The following LYST variants were observed in gnomAD, a reference collection of about 807,000 sequenced individuals.
The protein encoded by LYST is lysosomal trafficking regulator.
In LYST, 192 loss-of-function variants were observed where a neutral mutation model predicts 413.6. The observed-to-expected ratio is 0.46, with a 90% CI of 0.41 to 0.52. The LOEUF (loss-of-function observed/expected upper bound fraction) is 0.52, where lower values mean the gene tolerates loss of function less well. Ranked by LOEUF, LYST falls within the 20% of genes least tolerant of loss-of-function variation. The pLI is 0.00. For synonymous variants in LYST, 1,525 were observed against 1,567.3 expected, an observed-to-expected ratio of 0.97 and a Z score of 0.64; for missense variants, 3,815 against 4,499.9, an observed-to-expected ratio of 0.85 and a Z score of 4.35.
rs1176752304 is a variant in LYST, at chr1:235,788,834, G to C, written c.4555C>G (p.Pro1519Ala). Residue 1519 changes from proline (P) to alanine (A), a missense_variant, in exon 13 of 53, where the codon CCA becomes GCA. Physicochemically the swap from Pro to Ala is conservative, Grantham distance 27 (BLOSUM62 -1). Transcript: ENST00000389793. ...GGATTTATGTACTCTGCACCTTCTGGTCTGTCGCTCTCTATAAGAAAAAGA... is the reference window on the plus strand; with the variant it reads ...GGATTTATGTACTCTGCACCTTCTGCTCTGTCGCTCTCTATAAGAAAAAGA... ...SSFDGTESDR[P>A]EGAEYINPGE... 1.9e-6 allele frequency: 3 copies of C among 1,613,404 alleles called. No homozygotes were observed.
intron 46 of LYST, 30 bp from the exon 47 acceptor site, chr1:235,693,516 G>A (rs1660840539): frequency 6.2e-7 from 1 of 1,613,342 alleles, no homozygotes; most frequent in South Asian, 1.1e-5. Context: ...AAAAGTATCA[G>A]ATTGTCACTG....
At position 235,760,322 on chromosome 1, in the gene LYST, AGG is replaced by A. The variant is rs1442063008; in HGVS notation, c.6254-725_6254-724del. ...CCTAGCATAGAGCTCAACATATAACAGGTGCTCAAAAAATGGTAGTACTTGTT... is the reference window on the plus strand; with the variant it reads ...CCTAGCATAGAGCTCAACATATAACATGCTCAAAAAATGGTAGTACTTGTT... On this transcript the variant is annotated intron_variant, in intron 22 of 52. Coordinates refer to ENST00000389793, the MANE Select transcript of LYST (RefSeq NM_000081.4). Among the ~76,000 whole-genome samples the A allele has an allele frequency of 2.2e-3, 341 of 152,320 alleles. 1 individual carries two copies. Among genetic ancestry groups the A allele is most frequent in the African/African-American group, 7.7e-3 (319 of 41,584 alleles).
At chr1:235,872,113 T>C (rs1198117732) in intron 1 of LYST, among the ~76,000 whole-genome samples, 1 of 152,020 alleles carries the variant, frequency 6.6e-6, no homozygotes, top group Non-Finnish European at 1.5e-5. Flanking sequence ...CTGGCCAATG[T>C]GGCGAAACCC....
chr1:235,815,850 G>A (rs1275925744), intron 3 of LYST, among the ~76,000 whole-genome samples: 1 of 151,966 alleles, frequency 6.6e-6, no homozygotes, highest in Non-Finnish European at 1.5e-5. Context: ...TGTTAAAATG[G>A]GGCCGGGCGC....
chr1:235,673,031 C>T (rs982877291), intron 50 of LYST, among the ~76,000 whole-genome samples: 2 of 152,112 alleles, frequency 1.3e-5, no homozygotes, highest in African/African-American at 2.4e-5. Flanking sequence ...AGGGAAAGCT[C>T]GAGCCCATCT....
intron 46 of LYST, among the ~76,000 whole-genome samples, chr1:235,695,629 A>ATTTTTTTTTTTTTTTTTTT (rs148101450): frequency 6.0e-5 from 7 of 116,418 alleles, no homozygotes; most frequent in African/African-American, 2.4e-4. Flanking sequence ...CAGTACTCTA[A>ATTTTTTTTTTTTTTTTTTT]TTTTTTTTTT....
At chr1:235,779,818 A>C (rs1174814040) in intron 16 of LYST, among the ~76,000 whole-genome samples, 2 of 152,180 alleles carry the variant, frequency 1.3e-5, no homozygotes, top group Non-Finnish European at 2.9e-5. Context: ...AACAAAATAC[A>C]TTCCAAAACA....
At position 235,808,878 on chromosome 1, in the gene LYST, A is replaced by G; in HGVS notation, c.1940T>C (p.Leu647Pro). ...CTGCAGTGTCTCTTCTAATTGGGCT[A>G]GTTGGTCAGAGTCAACAGTACAAAT... ...CNICTVDSDQ[L>P]AQLEETLQGN... The change falls in exon 5 of 53, where the codon CTA (leucine) becomes CCA (proline). Residue 647 changes from leucine (L) to proline (P), a missense_variant. By Grantham distance (98) the Leu-to-Pro change is moderately conservative. Coordinates refer to ENST00000389793, the MANE Select transcript of LYST (RefSeq NM_000081.4). The G allele has an allele frequency of 6.2e-7, 1 of 1,613,958 alleles. No homozygotes were observed. The highest frequency in any genetic ancestry group is 8.5e-7 in the Non-Finnish European group (1 of 1,179,896).
chr1:235,716,732 G>T lies in LYST; in HGVS notation c.9607C>A (p.Arg3203Ser). The T allele has an allele frequency of 1.3e-6, 2 of 1,595,888 alleles. No individual in the cohort carries two copies. The highest frequency in any genetic ancestry group is 1.1e-5 in the South Asian group (1 of 90,274). Residue 3203 changes from arginine to serine, a missense_variant, in exon 41 of 53, where the codon CGT (arginine) becomes AGT (serine). Arg to Ser is a moderately radical substitution (Grantham distance 110). This residue lies in a region of LYST where 866 missense variants were observed against 1,156.0 expected (regional missense o/e 0.75). Transcript: ENST00000389793. ...GCTACCTTGTATGTGTCCACATAAC[G>T]ATCTTCTTTTTCTTTATACTGAACA... The part of the protein sequence containing the change: ...IAVQYKEKED[R>S]YVDTYKYLEE...
chr1:235,867,711 T>A (rs889788630), upstream of LYST, among the ~76,000 whole-genome samples: 2 of 152,136 alleles, frequency 1.3e-5, no homozygotes, highest in Admixed American at 6.5e-5. Context: ...GGTAGGCAGT[T>A]TGGCATTTCA....
At chr1:235,737,903 G>C in intron 31 of LYST, 1 of 1,146,834 alleles carries the variant, frequency 8.7e-7, no homozygotes, top group Non-Finnish European at 1.1e-6. Context: ...AGGTGCTGGA[G>C]CCGCTGCCGA....
chr1:235,686,895 T>C lies in LYST; in HGVS notation c.10800+54A>G, dbSNP rs556042098. 17 of 1,272,748 alleles carry C rather than the reference T, an allele frequency of 1.3e-5. No individual in the cohort carries two copies. The highest frequency in any genetic ancestry group is 9.2e-5 in the East Asian group (4 of 43,272). The allele number at this position is 1,272,748 out of a possible 1,614,324, so 78.8% of individuals were successfully genotyped here. On this transcript the variant is annotated intron_variant, in intron 48 of 52. Coordinates refer to ENST00000389793, the MANE Select transcript of LYST (RefSeq NM_000081.4). The surrounding 1 kb of genome is among the most constrained non-coding windows in gnomAD (Gnocchi z 4.0). The stretch of plus-strand genomic sequence containing the variant: ...AGTGAATTATACTTCATAAAGGCTT[T>C]CTTCCCCTCATTGACAAAGTCCCAT...
At chr1:235,715,159 G>C in intron 42 of LYST, 42 bp downstream of exon 42, 1 of 1,483,544 alleles carries the variant, frequency 6.7e-7, no homozygotes, top group Non-Finnish European at 9.4e-7. Context: ...TGTTGTTTCT[G>C]ATGACCCAAC....
At chr1:235,772,124 C>T (rs933389359) in intron 19 of LYST, among the ~76,000 whole-genome samples, 3 of 151,846 alleles carry the variant, frequency 2.0e-5, no homozygotes, top group Non-Finnish European at 4.4e-5. Context: ...ACTTGGGAGG[C>T]TGAGGTAGGA....
intron 3 of LYST, among the ~76,000 whole-genome samples, chr1:235,815,778 A>G (rs906009705): frequency 3.9e-5 from 6 of 152,234 alleles, no homozygotes; most frequent in Admixed American, 6.5e-5. Context: ...GCTGAAAGAA[A>G]TCAGAGATGA....
rs1477144361 is a variant in LYST, at chr1:235,810,407, T to A, written c.411A>T (p.Val137=). The stretch of plus-strand genomic sequence containing the variant: ...GTCGTCTGCTTTTTCGAAAAACATT[T>A]ACTTTTGCAGAAACCTGACTAGACA... ...SALSSQVSAK[V]NVFRKSRRQR... Residue 137 remains valine (V), a synonymous_variant, in exon 5 of 53, where the codon GTA becomes GTT. Coordinates refer to ENST00000389793, the MANE Select transcript of LYST (RefSeq NM_000081.4). 5 of 1,612,256 alleles carry A rather than the reference T, an allele frequency of 3.1e-6. No individual in the cohort carries two copies. In the African/African-American group the frequency reaches 6.7e-5, roughly 22 times the overall value.
intron 39 of LYST, among the ~76,000 whole-genome samples, chr1:235,722,363 G>A (rs991528201): frequency 6.6e-6 from 1 of 152,210 alleles, no homozygotes; most frequent in Non-Finnish European, 1.5e-5. Context: ...TAATCTGAAG[G>A]GGGGCTAAGG....
At chr1:235,690,234 A>G (rs1221151737) in intron 47 of LYST, among the ~76,000 whole-genome samples, 4 of 152,232 alleles carry the variant, frequency 2.6e-5, no homozygotes, top group Non-Finnish European at 4.4e-5. Context: ...AATTTGTGTC[A>G]GTGTATTTTG....
At position 235,797,562 on chromosome 1, in the gene LYST, T is replaced by C. The variant is rs377386258; in HGVS notation, c.4006+2758A>G. Among the ~76,000 whole-genome samples the C allele has an allele frequency of 2.9e-4, 44 of 152,258 alleles. 1 individual carries two copies. In the South Asian group the frequency reaches 8.5e-3, roughly 29 times the overall value. The stretch of plus-strand genomic sequence containing the variant: ...CAAACGATGCTGAGAAAATTGGATA[T>C]TCACACGCAAAATAATAATAATAAT... On this transcript the variant is annotated intron_variant, in intron 10 of 52. Transcript: ENST00000389793.
Sources: allele counts gnomAD v4.1 joint callset (sites outside exome capture counted in the v4.1 genomes callset), GRCh38; gene constraint gnomAD v4.1.1; regional missense constraint gnomAD v4.1.1; non-coding constraint Gnocchi (gnomAD v3.1); transcripts MANE v1.5; gene names NCBI Gene and HGNC (gene_info 2026-07-23, HGNC 2026-07-21).